Variants in ASIC2 observed in about 807,000 individuals in gnomAD.
ASIC2 encodes acid-sensing ion channel 2.
In ASIC2, 25 loss-of-function variants were observed where a neutral mutation model predicts 57.3. That is an observed-to-expected ratio of 0.44 (90% CI 0.32 to 0.61). The LOEUF (loss-of-function observed/expected upper bound fraction) is 0.61, where lower values mean the gene tolerates loss of function less well. ASIC2 is among the 20% of genes least tolerant of loss of function. ASIC2 has a pLI of 0.06. For synonymous variants in ASIC2, 319 were observed against 307.5 expected (o/e 1.04, Z -0.39); for missense variants, 641 against 738.1 (o/e 0.87, Z 1.52).
intron 1 of ASIC2, among the ~76,000 whole-genome samples, chr17:33,754,465 G>A (rs1017240951): frequency 1.3e-5 from 2 of 151,974 alleles, no homozygotes; most frequent in African/African-American, 4.8e-5. Flanking sequence ...AGCTCCTGGG[G>A]GCTTCCTGCT....
chr17:33,664,125 C>A (rs143069700), intron 1 of ASIC2, among the ~76,000 whole-genome samples: 45 of 152,320 alleles, frequency 3.0e-4, no homozygotes, highest in Admixed American at 2.4e-3. Flanking sequence ...ACACTTACGA[C>A]GTCAGCCTTG....
intron 1 of ASIC2, among the ~76,000 whole-genome samples, chr17:34,136,579 C>T (rs1411708796): frequency 6.6e-6 from 1 of 152,226 alleles, no homozygotes; most frequent in Non-Finnish European, 1.5e-5. Flanking sequence ...CCAATCATGA[C>T]TTGGAAGGCC....
intron 1 of ASIC2, among the ~76,000 whole-genome samples, chr17:33,763,294 G>T (rs1910840234): frequency 6.6e-6 from 1 of 152,154 alleles, no homozygotes; most frequent in Non-Finnish European, 1.5e-5. Flanking sequence ...AAGAATGAGT[G>T]GAGGAAGAAC....
At chr17:33,198,686 A>G (rs1174696983) in intron 1 of ASIC2, among the ~76,000 whole-genome samples, 2 of 152,222 alleles carry the variant, frequency 1.3e-5, no homozygotes, top group African/African-American at 4.8e-5. Flanking sequence ...CCCTGGGGAA[A>G]AAAAGGACTC....
In ASIC2 at chr17:33,572,554, C is replaced by T. The variant is rs75613798; in HGVS notation, c.556-460487G>A. On this transcript the variant is annotated intron_variant, in intron 1 of 9. Transcript: ENST00000359872. Reference sequence around the variant, plus strand: ...GGGAACCCACTGCCCTTACCACACCCCAACCCTTGGTCATAAATAGGGGAG... The same window carrying T: ...GGGAACCCACTGCCCTTACCACACCTCAACCCTTGGTCATAAATAGGGGAG... Among the ~76,000 whole-genome samples, 172 of 152,276 alleles carry T rather than the reference C, an allele frequency of 1.1e-3. No homozygotes were observed. The East Asian group carries it at 0.033, about 29-fold the overall frequency.
intron 1 of ASIC2, among the ~76,000 whole-genome samples, chr17:33,947,795 A>G (rs184564919): frequency 6.6e-6 from 1 of 152,076 alleles, no homozygotes; most frequent in East Asian, 1.9e-4. Flanking sequence ...AATTGCAGCT[A>G]TTTTTCTTTC....
Position 33,058,484 on chromosome 17 carries a change from A to C in ASIC2, c.988-30092T>G, listed in dbSNP as rs999128495. Among the ~76,000 whole-genome samples, 101 of 151,734 alleles carry C rather than the reference A, an allele frequency of 6.7e-4. 2 individuals carry two copies. Among genetic ancestry groups the C allele is most frequent in the African/African-American group, 2.1e-3 (86 of 41,440 alleles). ...TTCTGAGAAGTCAAAAAAAAAAAAA[A>C]AAAAAAACAAAACCCAAAACAACAA... On this transcript the variant is annotated intron_variant, in intron 3 of 9. Coordinates refer to ENST00000225823, the MANE Select transcript of ASIC2 (RefSeq NM_183377.2).
intron 1 of ASIC2, among the ~76,000 whole-genome samples, chr17:33,521,878 G>A (rs1300035879): frequency 6.6e-6 from 1 of 152,206 alleles, no homozygotes; most frequent in East Asian, 1.9e-4. Flanking sequence ...CTGTTCCTCT[G>A]GGTGTGCATG....
intron 1 of ASIC2, among the ~76,000 whole-genome samples, chr17:33,283,742 G>A (rs981413955): frequency 6.6e-6 from 1 of 152,184 alleles, no homozygotes; most frequent in Non-Finnish European, 1.5e-5. Flanking sequence ...TCTGGAGTTA[G>A]GCAGGCAATA....
intron 1 of ASIC2, among the ~76,000 whole-genome samples, chr17:33,469,184 C>A (rs72821196): frequency 0.067 from 10,142 of 152,240 alleles, 465 homozygotes; most frequent in Middle Eastern, 0.11. Flanking sequence ...GCCTTAGAAC[C>A]AGGCCACAGC....
chr17:33,262,239 AC>A (rs1212041228), intron 1 of ASIC2, among the ~76,000 whole-genome samples: 5 of 149,916 alleles, frequency 3.3e-5, no homozygotes, highest in Admixed American at 2.7e-4. Context: ...ACCCCTCCAT[AC>A]CCCCAAGGAT....
At chr17:33,579,796 T>C (rs750880736) in intron 1 of ASIC2, among the ~76,000 whole-genome samples, 11 of 152,032 alleles carry the variant, frequency 7.2e-5, no homozygotes, top group Non-Finnish European at 1.0e-4. Flanking sequence ...TACCACACCG[T>C]GAAAAACACC....
intron 1 of ASIC2, among the ~76,000 whole-genome samples, chr17:33,842,656 T>G (rs560490779): frequency 2.0e-5 from 3 of 152,276 alleles, no homozygotes; most frequent in African/African-American, 7.2e-5. Context: ...GTGATTGTCT[T>G]GTCCTGTCCT....
At chr17:33,854,306 A>G (rs772599830) in intron 1 of ASIC2, among the ~76,000 whole-genome samples, 43 of 152,166 alleles carry the variant, frequency 2.8e-4, no homozygotes, top group Non-Finnish European at 4.7e-4. Flanking sequence ...GGCAGTATGC[A>G]TGGGTATTGG....
chr17:33,946,773 C>A (rs1178880082), intron 1 of ASIC2, among the ~76,000 whole-genome samples: 1 of 152,032 alleles, frequency 6.6e-6, no homozygotes, highest in African/African-American at 2.4e-5. Context: ...GGCCAGGGGA[C>A]AAGGGTCATG....
intron 1 of ASIC2, among the ~76,000 whole-genome samples, chr17:33,922,527 C>A (rs575004584): frequency 2.6e-5 from 4 of 152,268 alleles, no homozygotes; most frequent in African/African-American, 9.6e-5. Context: ...AAGGAGCGAA[C>A]GTTCTAATTC....
At chr17:33,915,060 T>A (rs1802748678) in intron 1 of ASIC2, among the ~76,000 whole-genome samples, 1 of 152,212 alleles carries the variant, frequency 6.6e-6, no homozygotes, top group African/African-American at 2.4e-5. Flanking sequence ...GACTGGACAG[T>A]GCTCTGCCCT....
intron 1 of ASIC2, among the ~76,000 whole-genome samples, chr17:33,386,749 C>G (rs556469192): frequency 2.8e-4 from 43 of 152,062 alleles, no homozygotes; most frequent in South Asian, 1.0e-3. Flanking sequence ...GAAAGAGTGG[C>G]CCCTTCTGAT....
At chr17:33,317,295 G>A (rs974795997) in intron 1 of ASIC2, among the ~76,000 whole-genome samples, 2 of 152,154 alleles carry the variant, frequency 1.3e-5, no homozygotes, top group African/African-American at 2.4e-5. Context: ...GCAATCAAGG[G>A]TTCATGTGAG....
Sources: allele counts gnomAD v4.1 joint callset (sites outside exome capture counted in the v4.1 genomes callset), GRCh38; gene constraint gnomAD v4.1.1; transcripts MANE v1.5; gene names NCBI Gene and HGNC (gene_info 2026-07-23, HGNC 2026-07-21).